The following PTN variants were observed in gnomAD, a reference collection of about 807,000 sequenced individuals.
PTN encodes the protein pleiotrophin.
PTN carries 18 observed loss-of-function variants against 24.1 expected under a neutral mutation model. The ratio of observed to expected loss-of-function variants is 0.75; its 90% CI spans 0.52 to 1.11. The LOEUF is 1.11. PTN is among the 50% of genes least tolerant of loss of function. The pLI, the probability that PTN is intolerant of heterozygous loss-of-function variation, is 0.00. For missense variants in PTN, 163 were observed against 198.8 expected (o/e 0.82, Z 1.08); for synonymous variants, 78 against 68.6 (o/e 1.14, Z -0.67).
intron 4 of PTN, among the ~76,000 whole-genome samples, chr7:137,245,578 C>A (rs1191394588): frequency 6.6e-6 from 1 of 151,970 alleles, no homozygotes; most frequent in Non-Finnish European, 1.5e-5. Context: ...TACTTTTAAT[C>A]ATTATTTTAG....
In PTN at chr7:137,227,860, A is replaced by T. The variant is rs1348905568; in HGVS notation, c.*160T>A. 3.5e-6 allele frequency: 3 copies of T among 858,592 alleles called. No individual in the cohort carries two copies. The highest frequency in any genetic ancestry group is 5.1e-6 in the Non-Finnish European group (3 of 591,686). The allele number at this position is 858,592 out of a possible 1,614,324, so 53.2% of individuals were successfully genotyped here. ...CCTACTGGTACTATAGTATACATTT[A>T]AAAAACGCTACTACAAAAATTTTCT... On this transcript the variant is annotated 3_prime_UTR_variant, in exon 5 of 5. Coordinates refer to ENST00000348225, the MANE Select transcript of PTN (RefSeq NM_002825.7).
rs566654785 is a variant in PTN, at chr7:137,267,446, T to C, written c.-1-12472A>G. On this transcript the variant is annotated intron_variant, in intron 1 of 4. Transcript: ENST00000348225. ...GCTGTAACTGTCTATGTACGGAAAC[T>C]GGTCTGCGTGCCTTGGCTTACAGGT... Among the ~76,000 whole-genome samples the C allele has an allele frequency of 4.6e-3, 703 of 152,236 alleles. 2 individuals are homozygous for C. Among genetic ancestry groups the C allele is most frequent in the Admixed American group, 7.8e-3 (120 of 15,288 alleles).
chr7:137,279,860 G>A (rs1809437980), intron 1 of PTN, among the ~76,000 whole-genome samples: 1 of 152,152 alleles, frequency 6.6e-6, no homozygotes, highest in South Asian at 2.1e-4. Flanking sequence ...GCTGACAGAG[G>A]GCCACTTGAC....
chr7:137,278,711 C>T (rs1237413462), intron 1 of PTN, among the ~76,000 whole-genome samples: 1 of 151,926 alleles, frequency 6.6e-6, no homozygotes, highest in African/African-American at 2.4e-5. Flanking sequence ...GAGGCCAAAG[C>T]AGGTGGATCA....
At chr7:137,311,681 A>G (rs1369427560) in intron 1 of PTN, among the ~76,000 whole-genome samples, 1 of 152,166 alleles carries the variant, frequency 6.6e-6, no homozygotes, top group African/African-American at 2.4e-5. Flanking sequence ...CAGGGAAATG[A>G]CCTATCAATG....
intron 4 of PTN, among the ~76,000 whole-genome samples, chr7:137,232,981 C>A (rs985923723): frequency 1.8e-4 from 28 of 151,946 alleles, no homozygotes; most frequent in African/African-American, 6.5e-4. Flanking sequence ...GGGAATTAAA[C>A]CTCTTTTCTT....
intron 1 of PTN, among the ~76,000 whole-genome samples, chr7:137,283,949 C>T (rs1585028656): frequency 1.0e-5 from 1 of 96,128 alleles, no homozygotes; most frequent in Non-Finnish European, 2.0e-5. Flanking sequence ...AAATGAGCAT[C>T]AGATTTTTTT....
At chr7:137,314,284 G>C (rs2128880242) in intron 1 of PTN, among the ~76,000 whole-genome samples, 1 of 152,270 alleles carries the variant, frequency 6.6e-6, no homozygotes, top group African/African-American at 2.4e-5. Flanking sequence ...GGCCTTAGCA[G>C]TATCATGGAT....
intron 4 of PTN, among the ~76,000 whole-genome samples, chr7:137,244,374 A>ATTTTTTTTTTTTTTTTTTTTTTTTTTT (rs1242182641): frequency 7.6e-5 from 10 of 131,164 alleles, no homozygotes; most frequent in Non-Finnish European, 8.1e-5. Flanking sequence ...TCTCCTCAGA[A>ATTTTTTTTTTTTTTTTTTTTTTTTTTT]TTTTTTTTTT....
Position 137,251,902 on chromosome 7 carries a change from C to A in PTN, c.290-511G>T, listed in dbSNP as rs545984415. On this transcript the variant is annotated intron_variant, in intron 3 of 4. Transcript: ENST00000348225. ...ATTGCTGAGTAGTATTCCATGGTCC[C>A]AATGTACCCCAGTTTGTTTAACCAT... 4.6e-5 allele frequency among the ~76,000 whole-genome samples: 7 copies of A among 151,874 alleles called. No homozygotes were observed. The East Asian group carries it at 1.3e-3, about 29-fold the overall frequency.
chr7:137,326,034 T>G (rs2128882041), intron 1 of PTN: 1 of 152,336 alleles, frequency 6.6e-6, no homozygotes, highest in South Asian at 2.1e-4. Context: ...CTTACCACAT[T>G]TTCTAATGAA....
At chr7:137,239,079 G>A (rs1340734941) in intron 4 of PTN, among the ~76,000 whole-genome samples, 1 of 152,194 alleles carries the variant, frequency 6.6e-6, no homozygotes, top group Non-Finnish European at 1.5e-5. Context: ...CAGACACACA[G>A]TTTGAAGTAA....
At chr7:137,342,090 T>C (rs76825787) in intron 1 of PTN, among the ~76,000 whole-genome samples, 13,643 of 152,214 alleles carry the variant, frequency 0.09, 829 homozygotes, top group Middle Eastern at 0.13. Context: ...GTTGGGAGAC[T>C]TCTCTTTTGT....
intron 1 of PTN, among the ~76,000 whole-genome samples, chr7:137,300,505 GAA>G (rs1186454898): frequency 2.0e-5 from 3 of 151,932 alleles, no homozygotes; most frequent in African/African-American, 7.2e-5. Context: ...GGGCATTGTG[GAA>G]AGAGACAGGA....
intron 1 of PTN, among the ~76,000 whole-genome samples, chr7:137,341,310 T>C (rs1027416406): frequency 2.6e-4 from 40 of 152,324 alleles, no homozygotes; most frequent in Non-Finnish European, 4.9e-4. Flanking sequence ...CTGAAATTTT[T>C]TTAAAAAATG....
chr7:137,240,673 G>C (rs931620520), intron 4 of PTN, among the ~76,000 whole-genome samples: 1 of 152,210 alleles, frequency 6.6e-6, no homozygotes, highest in African/African-American at 2.4e-5. Context: ...GGCAAAGTTT[G>C]TAAGCAATGT....
At chr7:137,272,963 A>G (rs568701078) in intron 1 of PTN, among the ~76,000 whole-genome samples, 5 of 152,228 alleles carry the variant, frequency 3.3e-5, no homozygotes, top group Non-Finnish European at 7.3e-5. Flanking sequence ...AATACTGTCT[A>G]CTGATGAAGT....
intron 1 of PTN, among the ~76,000 whole-genome samples, chr7:137,335,697 CAA>C (rs915948013): frequency 6.6e-6 from 1 of 152,128 alleles, no homozygotes; most frequent in Non-Finnish European, 1.5e-5. Flanking sequence ...TGAATTTTGG[CAA>C]AGACCCTGGG....
chr7:137,245,749 C>T (rs1426221559), intron 4 of PTN, among the ~76,000 whole-genome samples: 1 of 152,084 alleles, frequency 6.6e-6, no homozygotes, highest in Non-Finnish European at 1.5e-5. Context: ...AGGTGGAAGA[C>T]AGTGATGTTG....
Sources: gnomAD v4.1 joint callset for allele counts (sites outside exome capture counted in the v4.1 genomes callset) on GRCh38, gnomAD v4.1.1 for gene constraint, MANE v1.5 for transcripts, NCBI Gene and HGNC (gene_info 2026-07-23, HGNC 2026-07-21) for gene names.